SORCS1: variants seen among roughly 807,000 people sequenced by gnomAD.
The protein encoded by SORCS1 is sortilin related VPS10 domain containing receptor 1.
SORCS1 carries 60 observed loss-of-function variants against 146.1 expected under a neutral mutation model. The ratio of observed to expected loss-of-function variants is 0.41; its 90% CI spans 0.33 to 0.51. The LOEUF (loss-of-function observed/expected upper bound fraction) is 0.51. SORCS1 is among the 20% of genes least tolerant of loss of function. SORCS1 has a pLI of 0.21. For synonymous variants in SORCS1, 637 were observed against 584.0 expected, an observed-to-expected ratio of 1.09 and a Z score of -1.31; for missense variants, 1,352 against 1,487.6, an observed-to-expected ratio of 0.91 and a Z score of 1.50.
chr10:106,933,353 T>C (rs561197750), intron 2 of SORCS1, among the ~76,000 whole-genome samples: 1 of 152,208 alleles, frequency 6.6e-6, no homozygotes, highest in Non-Finnish European at 1.5e-5. Context: ...GCCACACATA[T>C]ACTATTTTAA....
At chr10:106,583,561 C>T (rs766203434) in intron 24 of SORCS1, among the ~76,000 whole-genome samples, 2 of 152,094 alleles carry the variant, frequency 1.3e-5, no homozygotes, top group Non-Finnish European at 2.9e-5. Flanking sequence ...GACTGGAGTA[C>T]AGTGACACAA....
In SORCS1 at chr10:106,914,114, T is replaced by G. The variant is rs182279568; in HGVS notation, c.626+42399A>C. Among the ~76,000 whole-genome samples, 12 of 152,354 alleles carry G rather than the reference T, an allele frequency of 7.9e-5. No individual in the cohort carries two copies. In the East Asian group the frequency reaches 2.3e-3, roughly 29 times the overall value. On this transcript the variant is annotated intron_variant, in intron 2 of 25. Transcript: ENST00000263054. Reference sequence around the variant, plus strand: ...ACTTAAAAAGTAAATCAAAGGCTATTAAAACACTTTTGACATTGAGCTTGC... The same window carrying G: ...ACTTAAAAAGTAAATCAAAGGCTATGAAAACACTTTTGACATTGAGCTTGC...
intron 2 of SORCS1, among the ~76,000 whole-genome samples, chr10:106,916,701 C>T (rs1952450738): frequency 6.6e-6 from 1 of 150,854 alleles, no homozygotes; most frequent in Non-Finnish European, 1.5e-5. Context: ...ATCTCTTCTA[C>T]ATAAAGTTGC....
chr10:107,012,622 T>C (rs1278991318), intron 1 of SORCS1, among the ~76,000 whole-genome samples: 4 of 152,154 alleles, frequency 2.6e-5, no homozygotes, highest in Admixed American at 6.5e-5. Flanking sequence ...TCCAGTGTCA[T>C]AGAACTAGCT....
At chr10:106,991,185 G>A (rs1258447453) in intron 1 of SORCS1, among the ~76,000 whole-genome samples, 1 of 152,124 alleles carries the variant, frequency 6.6e-6, no homozygotes, top group Admixed American at 6.5e-5. Context: ...GAAGGCCCTC[G>A]GGATACAGGA....
intron 1 of SORCS1, among the ~76,000 whole-genome samples, chr10:107,024,587 C>G (rs1958312525): frequency 6.6e-6 from 1 of 152,122 alleles, no homozygotes; most frequent in African/African-American, 2.4e-5. Flanking sequence ...TAACAGGAAT[C>G]TACATTTTTA....
At chr10:107,055,031 A>T (rs533368977) in intron 1 of SORCS1, among the ~76,000 whole-genome samples, 2 of 152,306 alleles carry the variant, frequency 1.3e-5, no homozygotes, top group South Asian at 4.1e-4. Context: ...CCAACAGAGA[A>T]TGTGCTGAGG....
intron 1 of SORCS1, among the ~76,000 whole-genome samples, chr10:107,081,692 G>GA (rs1210525177): frequency 2.0e-5 from 3 of 151,962 alleles, no homozygotes; most frequent in African/African-American, 4.8e-5. Flanking sequence ...GAAAAAGAGT[G>GA]AAAAAAAGCA....
chr10:106,587,592 A>C (rs568091823), intron 24 of SORCS1, among the ~76,000 whole-genome samples: 66 of 152,380 alleles, frequency 4.3e-4, no homozygotes, highest in Middle Eastern at 3.4e-3. Flanking sequence ...TAACACATCC[A>C]GTGGTAGCAA....
At chr10:106,968,915 A>T (rs1293611928) in intron 1 of SORCS1, among the ~76,000 whole-genome samples, 1 of 152,226 alleles carries the variant, frequency 6.6e-6, no homozygotes, top group African/African-American at 2.4e-5. Context: ...TTACTCTCTT[A>T]AGAAATTATA....
At chr10:106,709,443 A>ATTTTTT (rs66987312) in intron 6 of SORCS1, 102 bp from the exon 7 acceptor site, 5 of 234,266 alleles carry the variant, frequency 2.1e-5, no homozygotes, top group African/African-American at 1.2e-4. Flanking sequence ...ACCATTTCCA[A>ATTTTTT]TTTTTTTTTT....
At chr10:106,928,023 C>T (rs1953159062) in intron 2 of SORCS1, among the ~76,000 whole-genome samples, 2 of 152,268 alleles carry the variant, frequency 1.3e-5, no homozygotes, top group Admixed American at 1.3e-4. Flanking sequence ...TCACCAGACT[C>T]AGGAGCCCAG....
intron 3 of SORCS1, among the ~76,000 whole-genome samples, chr10:106,777,011 C>T (rs541911496): frequency 1.3e-5 from 2 of 152,310 alleles, no homozygotes; most frequent in East Asian, 3.9e-4. Context: ...ACTTACCCTT[C>T]TTCCCTTCTT....
intron 5 of SORCS1, among the ~76,000 whole-genome samples, chr10:106,748,400 CTGCAAACTTAATTGA>C (rs1157485581): frequency 1.3e-5 from 2 of 152,106 alleles, no homozygotes; most frequent in African/African-American, 2.4e-5. Flanking sequence ...CCATATAAGA[CTGCAAACTTAATTGA>C]TGCAAACTTA....
chr10:107,024,204 G>A (rs535273177), intron 1 of SORCS1, among the ~76,000 whole-genome samples: 1 of 151,578 alleles, frequency 6.6e-6, no homozygotes, highest in East Asian at 1.9e-4. Context: ...GAAGAAGAGA[G>A]GTTTATTTGG....
At chr10:107,085,776 C>T (rs566511618) in intron 1 of SORCS1, among the ~76,000 whole-genome samples, 12 of 152,106 alleles carry the variant, frequency 7.9e-5, no homozygotes, top group Non-Finnish European at 1.6e-4. Context: ...ATGAAGAATC[C>T]TTTTCAACAA....
At chr10:106,965,220 G>A (rs1187374114) in intron 1 of SORCS1, among the ~76,000 whole-genome samples, 3 of 151,972 alleles carry the variant, frequency 2.0e-5, no homozygotes, top group Non-Finnish European at 4.4e-5. Flanking sequence ...GTAAAGAAAG[G>A]CCTCTGGTGT....
intron 2 of SORCS1, among the ~76,000 whole-genome samples, chr10:106,840,424 A>C (rs1205267493): frequency 1.3e-5 from 2 of 149,492 alleles, no homozygotes; most frequent in Non-Finnish European, 2.9e-5. Flanking sequence ...CTGTAATCTC[A>C]TGATCACACT....
At chr10:106,706,337 G>A (rs1317751524) in intron 8 of SORCS1, among the ~76,000 whole-genome samples, 1 of 151,596 alleles carries the variant, frequency 6.6e-6, no homozygotes, top group African/African-American at 2.4e-5. Context: ...GAGAGAGAGA[G>A]AAAGGAAGGG....
Sources: allele counts gnomAD v4.1 joint callset (sites outside exome capture counted in the v4.1 genomes callset), GRCh38; gene constraint gnomAD v4.1.1; transcripts MANE v1.5; gene names NCBI Gene and HGNC (gene_info 2026-07-23, HGNC 2026-07-21).